CPNE5: variants seen among roughly 807,000 people sequenced by gnomAD.
CPNE5 encodes copine 5.
Under a neutral mutation model 81.1 loss-of-function variants are expected in CPNE5, and 42 were observed. The observed-to-expected ratio is 0.52, with a 90% CI of 0.40 to 0.67. CPNE5 has a LOEUF of 0.67. CPNE5 is among the 30% of genes least tolerant of loss of function. The probability of loss-of-function intolerance (pLI) is 0.00; values close to 1 mark genes in which losing one functional copy is unlikely to be tolerated. For missense variants in CPNE5, 612 were observed against 815.5 expected (o/e 0.75, Z 3.04); for synonymous variants, 313 against 321.5 (o/e 0.97, Z 0.28).
At chr6:36,829,503 A>C (rs1772796107) in intron 1 of CPNE5, among the ~76,000 whole-genome samples, 1 of 151,062 alleles carries the variant, frequency 6.6e-6, no homozygotes, top group African/African-American at 2.4e-5. Context: ...TCTCAAAAAT[A>C]AATAAATACA....
intron 14 of CPNE5, among the ~76,000 whole-genome samples, chr6:36,749,374 A>C (rs150010830): frequency 1.3e-5 from 2 of 152,318 alleles, no homozygotes; most frequent in African/African-American, 4.8e-5. Context: ...TGGATTTCTG[A>C]CTCAAACAAA....
At chr6:36,835,136 G>A (rs548468496) in intron 1 of CPNE5, among the ~76,000 whole-genome samples, 12 of 152,352 alleles carry the variant, frequency 7.9e-5, no homozygotes, top group Non-Finnish European at 1.2e-4. Flanking sequence ...GTCTTCCCTG[G>A]GTCTTGGGAA....
At chr6:36,828,241 G>A (rs1182749060) in intron 1 of CPNE5, among the ~76,000 whole-genome samples, 2 of 145,664 alleles carry the variant, frequency 1.4e-5, no homozygotes, top group African/African-American at 5.2e-5. Flanking sequence ...GATCACTTGA[G>A]CTCAGGAGTT....
At chr6:36,806,462 G>C (rs553924723) in intron 3 of CPNE5, among the ~76,000 whole-genome samples, 1 of 152,136 alleles carries the variant, frequency 6.6e-6, no homozygotes, top group Non-Finnish European at 1.5e-5. Context: ...CTCCCACTCA[G>C]AGAGCAGCAG....
intron 10 of CPNE5, among the ~76,000 whole-genome samples, chr6:36,771,915 A>G (rs1767070941): frequency 6.6e-6 from 1 of 152,056 alleles, no homozygotes; most frequent in Non-Finnish European, 1.5e-5. Flanking sequence ...CAGTCACATT[A>G]TGGAAGATCT....
intron 3 of CPNE5, among the ~76,000 whole-genome samples, chr6:36,813,499 C>T (rs979907961): frequency 3.9e-5 from 6 of 152,180 alleles, no homozygotes; most frequent in African/African-American, 7.2e-5. Flanking sequence ...CCATTGCACT[C>T]CAGCCTGGGC....
chr6:36,745,030 C>T lies in CPNE5; in HGVS notation c.1431+18G>A, dbSNP rs371912627. The T allele has an allele frequency of 3.1e-5, 50 of 1,588,272 alleles. No homozygotes were observed. In the Middle Eastern group the frequency reaches 5.0e-4, roughly 16 times the overall value. On this transcript the variant is annotated intron_variant, in intron 18 of 20. Transcript: ENST00000244751. ...ACACTCCTCAAACCGCCTCCCCCAC[C>T]GCACACTCCTTGCTTACGTTGACAA...
intron 3 of CPNE5, among the ~76,000 whole-genome samples, chr6:36,811,389 A>G (rs1007879447): frequency 2.0e-5 from 3 of 152,230 alleles, no homozygotes; most frequent in African/African-American, 7.2e-5. Flanking sequence ...TTATAAGAAG[A>G]GCCATTATTG....
chr6:36,792,473 G>C, intron 7 of CPNE5: 1 of 1,128,026 alleles, frequency 8.9e-7, no homozygotes, highest in Non-Finnish European at 1.2e-6. Flanking sequence ...TCATGGGCTA[G>C]CCACCCCACC....
At chr6:36,753,136 G>A in intron 13 of CPNE5, 41 bp from the exon 14 acceptor site, 2 of 1,553,670 alleles carry the variant, frequency 1.3e-6, no homozygotes, top group Non-Finnish European at 1.8e-6. Context: ...GGAGCCTGGG[G>A]TCAGGGGAGA....
chr6:36,765,224 C>G (rs1457710566), intron 11 of CPNE5, 111 bp downstream of exon 11: 7 of 1,195,540 alleles, frequency 5.9e-6, no homozygotes, highest in Middle Eastern at 2.0e-4. Flanking sequence ...TCCCTCACCC[C>G]CAGAGCCACT....
rs886655706 is a variant in CPNE5 at position 36,766,886 on chromosome 6, T to C, written c.738-1510A>G. On this transcript the variant is annotated intron_variant, in intron 10 of 20. Coordinates refer to ENST00000244751, the MANE Select transcript of CPNE5 (RefSeq NM_020939.2). This position sits in a 1 kb window ranked among gnomAD's most constrained non-coding sequence, Gnocchi z 4.2. ...TGTTTGCTTGTTTGAGATGGAGTCT[T>C]GCTCTGTTGCCCAGGCTGGAGTGCA... Among the ~76,000 whole-genome samples the C allele has an allele frequency of 6.6e-6, 1 of 152,188 alleles. No homozygotes were observed. Among genetic ancestry groups the C allele is most frequent in the African/African-American group, 2.4e-5 (1 of 41,444 alleles).
chr6:36,800,073 G>A lies in CPNE5; in HGVS notation c.184-3C>T, dbSNP rs1314259795. ...TCGATGACTTCGGTGCGCCCAAACT[G>A]CAAGAGAAGATGGAGGGTGAACCTC... On this transcript the variant is annotated splice_polypyrimidine_tract_variant and splice_region_variant and intron_variant, in intron 3 of 20. Transcript: ENST00000244751. The A allele has an allele frequency of 2.5e-6, 4 of 1,609,120 alleles. No homozygotes were observed. In the South Asian group the frequency reaches 4.4e-5, roughly 18 times the overall value.
rs779816486 is a variant in CPNE5, at chr6:36,792,017, G to A, written c.528+16C>T. 8.1e-5 allele frequency: 130 copies of A among 1,612,218 alleles called. No homozygotes were observed. The highest frequency in any genetic ancestry group is 1.1e-4 in the Non-Finnish European group (128 of 1,178,418). On this transcript the variant is annotated intron_variant, in intron 8 of 20. Transcript: ENST00000244751. ...CACCCCAACCACGTCCTGTGCTGGA[G>A]TCCTCTGCCACTCACCCTACAGTTG...
chr6:36,800,177 T>C (rs778725806), intron 3 of CPNE5, 107 bp from the exon 4 acceptor site: 60 of 688,288 alleles, frequency 8.7e-5, no homozygotes, highest in Non-Finnish European at 1.4e-4. Context: ...GTTCTGGCAG[T>C]TATGAAAGCC....
intron 14 of CPNE5, among the ~76,000 whole-genome samples, chr6:36,751,951 G>A (rs13193217): frequency 0.66 from 100,302 of 151,790 alleles, 33,678 homozygotes; most frequent in African/African-American, 0.75. Flanking sequence ...GTGCAAAGGC[G>A]GGGTCTGGAG....
chr6:36,761,816 TCTG>T lies in CPNE5; in HGVS notation c.855+1098_855+1100del, dbSNP rs1190995147. On this transcript the variant is annotated intron_variant, in intron 12 of 20. Coordinates refer to ENST00000244751, the MANE Select transcript of CPNE5 (RefSeq NM_020939.2). The stretch of plus-strand genomic sequence containing the variant: ...CAAGCAGTTATTTGGGTTATAAGTA[TCTG>T]CCATTAAGTGGGTTTGGCATGAACC... 3.3e-5 allele frequency among the ~76,000 whole-genome samples: 5 copies of T among 152,334 alleles called. No homozygotes were observed. The East Asian group carries it at 9.6e-4, about 29-fold the overall frequency.
intron 3 of CPNE5, among the ~76,000 whole-genome samples, chr6:36,810,885 C>T: frequency 6.6e-6 from 1 of 152,106 alleles, no homozygotes; most frequent in East Asian, 1.9e-4. Flanking sequence ...AGACAGGGGC[C>T]CTGAGTTAGG....
At chr6:36,743,866 G>C (rs141023219) in intron 19 of CPNE5, 104 bp from the exon 20 acceptor site, 3 of 997,980 alleles carry the variant, frequency 3.0e-6, no homozygotes, top group Admixed American at 1.8e-5. Context: ...ATCCAGGGCC[G>C]AGACCACTGG....
Sources: allele counts gnomAD v4.1 joint callset (sites outside exome capture counted in the v4.1 genomes callset), GRCh38; gene constraint gnomAD v4.1.1; non-coding constraint Gnocchi (gnomAD v3.1); transcripts MANE v1.5; gene names NCBI Gene and HGNC (gene_info 2026-07-23, HGNC 2026-07-21).